PARN: variants seen among roughly 807,000 people sequenced by gnomAD.
PARN encodes poly(A)-specific ribonuclease, also known as poly(A)-specific ribonuclease PARN.
PARN carries 71 observed loss-of-function variants against 102.8 expected under a neutral mutation model. That is an observed-to-expected ratio of 0.69 (90% confidence interval 0.57 to 0.84). The LOEUF is 0.84. Ranked by LOEUF, PARN falls within the 40% of genes least tolerant of loss-of-function variation. The pLI is 0.00. For missense variants in PARN, 782 were observed against 760.9 expected (o/e 1.03, Z -0.33); for synonymous variants, 261 against 252.9 (o/e 1.03, Z -0.30).
chr16:14,600,055 G>A (rs540251207), intron 11 of PARN, 95 bp from the exon 12 acceptor site: 8 of 668,744 alleles, frequency 1.2e-5, no homozygotes, highest in Admixed American at 3.1e-5. Flanking sequence ...CTGAAATTTT[G>A]TATCAAGTTA....
At chr16:14,488,860 T>C (rs983209904) in intron 21 of PARN, among the ~76,000 whole-genome samples, 1 of 148,956 alleles carries the variant, frequency 6.7e-6, no homozygotes, top group African/African-American at 2.5e-5. Context: ...AAGAGATCAA[T>C]ACAATAGTTT....
chr16:14,477,127 A>C (rs1161829915), intron 22 of PARN, among the ~76,000 whole-genome samples: 2 of 152,198 alleles, frequency 1.3e-5, no homozygotes, highest in Admixed American at 1.3e-4. Context: ...GAACAAAAAT[A>C]TACGATGCAA....
At chr16:14,575,677 G>C (rs915854275) in intron 18 of PARN, among the ~76,000 whole-genome samples, 1 of 152,202 alleles carries the variant, frequency 6.6e-6, no homozygotes, top group Non-Finnish European at 1.5e-5. Context: ...AGTTTGGACT[G>C]TGGACTTTTA....
At chr16:14,522,569 G>A (rs1965791879) in intron 21 of PARN, among the ~76,000 whole-genome samples, 1 of 152,182 alleles carries the variant, frequency 6.6e-6, no homozygotes, top group Non-Finnish European at 1.5e-5. Flanking sequence ...GGGCTTAAGA[G>A]AAAGAGTGGG....
At chr16:14,615,391 T>C (rs1050790119) in intron 6 of PARN, among the ~76,000 whole-genome samples, 2 of 151,746 alleles carry the variant, frequency 1.3e-5, no homozygotes, top group African/African-American at 4.8e-5. Flanking sequence ...ACTAGTCCAA[T>C]ATAGTGCTCT....
At chr16:14,568,254 C>G (rs1373463297) in intron 18 of PARN, among the ~76,000 whole-genome samples, 1 of 150,150 alleles carries the variant, frequency 6.7e-6, no homozygotes, top group Admixed American at 6.6e-5. Flanking sequence ...GCCCTGTTGC[C>G]CAGGCTGCGG....
chr16:14,553,614 C>A (rs770056454), intron 20 of PARN, among the ~76,000 whole-genome samples: 5 of 152,096 alleles, frequency 3.3e-5, no homozygotes, highest in Non-Finnish European at 5.9e-5. Context: ...AATCACATGA[C>A]CTGGTAAAAA....
intron 21 of PARN, among the ~76,000 whole-genome samples, chr16:14,508,292 T>A (rs190026318): frequency 5.9e-4 from 89 of 151,940 alleles, no homozygotes; most frequent in Non-Finnish European, 1.2e-3. Flanking sequence ...CACTTTGAGA[T>A]GCCAAGGTAG....
intron 13 of PARN, 34 bp from the exon 14 acceptor site, chr16:14,586,395 C>T: frequency 7.7e-7 from 1 of 1,302,222 alleles, no homozygotes; most frequent in South Asian, 1.3e-5. Flanking sequence ...TTACAATTTT[C>T]CTAATACACT....
intron 6 of PARN, among the ~76,000 whole-genome samples, chr16:14,612,083 A>G (rs186642473): frequency 1.3e-5 from 2 of 152,304 alleles, no homozygotes; most frequent in Admixed American, 6.5e-5. Flanking sequence ...TTTTCTAGAC[A>G]TAAGACGTAA....
chr16:14,484,360 G>A (rs1385012993), intron 21 of PARN, among the ~76,000 whole-genome samples: 2 of 152,158 alleles, frequency 1.3e-5, no homozygotes, highest in Non-Finnish European at 2.9e-5. Context: ...TTCCAGTTTA[G>A]GCATATGCGT....
intron 5 of PARN, among the ~76,000 whole-genome samples, chr16:14,619,507 G>A (rs978625252): frequency 2.6e-5 from 4 of 151,968 alleles, no homozygotes; most frequent in Admixed American, 2.6e-4. Flanking sequence ...GCTCACACCT[G>A]TAATCCCAGC....
intron 5 of PARN, among the ~76,000 whole-genome samples, chr16:14,626,476 G>C (rs913444912): frequency 6.6e-6 from 1 of 152,146 alleles, no homozygotes; most frequent in African/African-American, 2.4e-5. Flanking sequence ...TGATGTGTAG[G>C]TGGTTCAACT....
At chr16:14,523,510 G>C (rs151053638) in intron 21 of PARN, among the ~76,000 whole-genome samples, 4 of 152,252 alleles carry the variant, frequency 2.6e-5, no homozygotes, top group African/African-American at 9.6e-5. Context: ...ATACAGTCAG[G>C]ACAGGATGCA....
chr16:14,480,229 G>C (rs1963306365), intron 22 of PARN, among the ~76,000 whole-genome samples: 1 of 152,118 alleles, frequency 6.6e-6, no homozygotes, highest in East Asian at 1.9e-4. Flanking sequence ...TCAGGAAGTT[G>C]AGGCACGAGA....
At chr16:14,527,426 G>T (rs903826389) in intron 21 of PARN, among the ~76,000 whole-genome samples, 6 of 152,158 alleles carry the variant, frequency 3.9e-5, no homozygotes, top group African/African-American at 1.2e-4. Flanking sequence ...TCCCATTCCA[G>T]AACTGCAAAT....
At chr16:14,608,226 A>G in intron 9 of PARN, 55 bp downstream of exon 9, 1 of 1,217,178 alleles carries the variant, frequency 8.2e-7, no homozygotes, top group Non-Finnish European at 1.2e-6. Context: ...GATTATATTT[A>G]GTCTTTAAAT....
At chr16:14,475,715 T>C (rs1037283626) in intron 22 of PARN, among the ~76,000 whole-genome samples, 1 of 152,138 alleles carries the variant, frequency 6.6e-6, no homozygotes, top group Non-Finnish European at 1.5e-5. Flanking sequence ...TAGAAGTGAG[T>C]CACAGAGCAG....
intron 18 of PARN, among the ~76,000 whole-genome samples, chr16:14,565,515 C>T (rs1968375563): frequency 1.3e-5 from 2 of 151,422 alleles, no homozygotes; most frequent in African/African-American, 4.9e-5. Context: ...TTAAATTAAA[C>T]ATTATACAAA....
Sources: gnomAD v4.1 joint callset for allele counts (sites outside exome capture counted in the v4.1 genomes callset) on GRCh38, gnomAD v4.1.1 for gene constraint, MANE v1.5 for transcripts, NCBI Gene and HGNC (gene_info 2026-07-23, HGNC 2026-07-21) for gene names.